Variants in ATP8A2 observed in about 807,000 individuals in gnomAD.
ATP8A2 encodes the protein ATPase phospholipid transporting 8A2, also known as phospholipid-transporting ATPase IB.
Under a neutral mutation model 165.6 loss-of-function variants are expected in ATP8A2, and 100 were observed. The observed-to-expected ratio is 0.60, with a 90% confidence interval of 0.51 to 0.71. The LOEUF (loss-of-function observed/expected upper bound fraction) is 0.71, where lower values mean the gene tolerates loss of function less well. Ranked by LOEUF, ATP8A2 falls within the 30% of genes least tolerant of loss-of-function variation. The pLI is 0.00. For missense variants in ATP8A2, 1,227 were observed against 1,479.5 expected, an observed-to-expected ratio of 0.83 and a Z score of 2.80; for synonymous variants, 543 against 548.8, an observed-to-expected ratio of 0.99 and a Z score of 0.15.
intron 25 of ATP8A2, among the ~76,000 whole-genome samples, chr13:25,712,961 C>T (rs1374345393): frequency 6.6e-6 from 1 of 152,166 alleles, no homozygotes. Context: ...TAAGAATTAT[C>T]CTCATGGAAC....
intron 1 of ATP8A2, among the ~76,000 whole-genome samples, chr13:25,413,974 A>G (rs1727536740): frequency 1.3e-5 from 2 of 151,850 alleles, no homozygotes; most frequent in Admixed American, 1.3e-4. Flanking sequence ...AGGGCAGCGG[A>G]GTGAGCGTGA....
chr13:25,465,311 A>G (rs1251708584), intron 1 of ATP8A2, among the ~76,000 whole-genome samples: 1 of 152,136 alleles, frequency 6.6e-6, no homozygotes, highest in Non-Finnish European at 1.5e-5. Flanking sequence ...AATTTATCTG[A>G]ATCTTGGGGA....
chr13:25,968,464 C>T (rs1048853805), intron 34 of ATP8A2, 111 bp from the exon 35 acceptor site: 4 of 877,808 alleles, frequency 4.6e-6, no homozygotes, highest in Admixed American at 2.2e-5. Flanking sequence ...TCCCGAGCCT[C>T]GGCCTCCACC....
At chr13:25,920,178 T>C (rs952140814) in intron 33 of ATP8A2, among the ~76,000 whole-genome samples, 13 of 152,144 alleles carry the variant, frequency 8.5e-5, no homozygotes, top group African/African-American at 3.1e-4. Context: ...CTTCTCGGCC[T>C]TTTCCCTCTT....
chr13:25,793,843 C>T (rs987528258), intron 27 of ATP8A2, among the ~76,000 whole-genome samples: 1 of 152,108 alleles, frequency 6.6e-6, no homozygotes, highest in South Asian at 2.1e-4. Context: ...CAGGTGACCA[C>T]ATTTTGAATC....
In ATP8A2 at chr13:25,711,550, TA is replaced by T. The variant is rs879362105; in HGVS notation, c.2384+12217del. Among the ~76,000 whole-genome samples, 256 of 146,032 alleles carry T rather than the reference TA, an allele frequency of 1.8e-3. 1 individual carries two copies. The Middle Eastern group carries it at 0.024, about 14-fold the overall frequency. ...CACAGTGAGACCACATCTCTATATT[TA>T]AAAAAAAAAAATTTTTTTTAAAGCA... is the stretch of plus-strand genomic sequence containing the variant. On this transcript the variant is annotated intron_variant, in intron 25 of 36. Coordinates refer to ENST00000381655, the MANE Select transcript of ATP8A2 (RefSeq NM_016529.6).
At chr13:25,754,648 A>C (rs2044222901) in intron 25 of ATP8A2, among the ~76,000 whole-genome samples, 1 of 152,156 alleles carries the variant, frequency 6.6e-6, no homozygotes, top group Non-Finnish European at 1.5e-5. Context: ...GCTCATTTTA[A>C]AAAATTGTTC....
chr13:25,857,572 T>C (rs1404435896), intron 30 of ATP8A2, among the ~76,000 whole-genome samples: 90 of 50,760 alleles, frequency 1.8e-3, no homozygotes, highest in African/African-American at 6.5e-3. Flanking sequence ...TTTTTTTCCT[T>C]TTTTTTTTTT....
At chr13:25,590,282 A>G (rs2040034550) in intron 24 of ATP8A2, among the ~76,000 whole-genome samples, 1 of 152,110 alleles carries the variant, frequency 6.6e-6, no homozygotes, top group Non-Finnish European at 1.5e-5. Flanking sequence ...AAAATTGGCC[A>G]GCCGTGGTGG....
intron 2 of ATP8A2, among the ~76,000 whole-genome samples, chr13:25,490,644 A>G (rs575404294): frequency 1.3e-5 from 2 of 152,350 alleles, no homozygotes; most frequent in Admixed American, 6.5e-5. Flanking sequence ...TCCGTGTACC[A>G]GCAGTAACAT....
intron 33 of ATP8A2, among the ~76,000 whole-genome samples, chr13:25,942,946 C>G (rs1225497290): frequency 6.6e-6 from 1 of 152,128 alleles, no homozygotes; most frequent in East Asian, 1.9e-4. Context: ...ACTCCCTCCC[C>G]TGTCCATGGA....
rs556648817 is a variant in ATP8A2, at chr13:25,512,069, T to G, written c.222-17930T>G. On this transcript the variant is annotated intron_variant, in intron 2 of 36. Transcript: ENST00000381655. ...GTTTGTGTCCCTGGGTACTTGAGATTAGGGAGTGGTGATGACTCTTAAGGA... is the reference window on the plus strand; with the variant it reads ...GTTTGTGTCCCTGGGTACTTGAGATGAGGGAGTGGTGATGACTCTTAAGGA... 3.3e-5 allele frequency among the ~76,000 whole-genome samples: 5 copies of G among 151,814 alleles called. 1 individual carries two copies. The South Asian group carries it at 1.0e-3, about 32-fold the overall frequency.
rs1236669395 is a variant in ATP8A2 at position 25,553,875 on chromosome 13, G to A, written c.1140G>A (p.Val380=). 6.2e-7 allele frequency: 1 copy of A among 1,613,790 alleles called. No individual in the cohort carries two copies. The highest frequency in any genetic ancestry group is 8.5e-7 in the Non-Finnish European group (1 of 1,179,680). Reference sequence around the variant, plus strand: ...ATCTTATTCCCATCAGTCTGTTGGTGACTCTTGAGGTTGTGAAGTATACTC... The same window carrying A: ...ATCTTATTCCCATCAGTCTGTTGGTAACTCTTGAGGTTGTGAAGTATACTC... ...YNNLIPISLL[V]TLEVVKYTQA... The change falls in exon 12 of 37, where the codon GTG becomes GTA. Residue 380 remains valine (V), a synonymous_variant. Coordinates refer to ENST00000381655, the MANE Select transcript of ATP8A2 (RefSeq NM_016529.6).
chr13:25,408,480 G>T (rs1341367782), intron 1 of ATP8A2, among the ~76,000 whole-genome samples: 1 of 151,928 alleles, frequency 6.6e-6, no homozygotes, highest in East Asian at 1.9e-4. Flanking sequence ...GTGAAGACTT[G>T]TACGCAGTTC....
At chr13:25,862,863 A>G (rs774210956) in intron 33 of ATP8A2, among the ~76,000 whole-genome samples, 5 of 152,202 alleles carry the variant, frequency 3.3e-5, no homozygotes, top group Admixed American at 6.5e-5. Context: ...GAACCAGATC[A>G]TTGATAAACC....
intron 2 of ATP8A2, among the ~76,000 whole-genome samples, chr13:25,510,602 C>T (rs1457863769): frequency 2.0e-5 from 3 of 152,162 alleles, no homozygotes; most frequent in Non-Finnish European, 4.4e-5. Context: ...TTGTTAGACT[C>T]TTATGGGGCA....
chr13:26,012,669 G>C (rs1296433967), intron 36 of ATP8A2, 47 bp downstream of exon 36: 3 of 1,346,430 alleles, frequency 2.2e-6, no homozygotes, highest in Non-Finnish European at 2.9e-6. Context: ...TGTCGGTGCG[G>C]GGCGGGGGTT....
intron 27 of ATP8A2, among the ~76,000 whole-genome samples, chr13:25,781,111 A>C (rs2044866910): frequency 6.6e-6 from 1 of 152,026 alleles, no homozygotes; most frequent in African/African-American, 2.4e-5. Flanking sequence ...AAAACACAAA[A>C]AATTAGCTGG....
At chr13:25,748,244 T>C (rs2044077676) in intron 25 of ATP8A2, among the ~76,000 whole-genome samples, 1 of 152,142 alleles carries the variant, frequency 6.6e-6, no homozygotes, top group Admixed American at 6.6e-5. Flanking sequence ...GATAGGATTT[T>C]CCCCCCATGC....
Sources: allele counts gnomAD v4.1 joint callset (sites outside exome capture counted in the v4.1 genomes callset), GRCh38; gene constraint gnomAD v4.1.1; transcripts MANE v1.5; gene names NCBI Gene and HGNC (gene_info 2026-07-23, HGNC 2026-07-21).